Variants in HS3ST4 observed in about 807,000 individuals in gnomAD.
HS3ST4 encodes the protein heparan sulfate glucosamine 3-O-sulfotransferase 4.
Under a neutral mutation model 29.2 loss-of-function variants are expected in HS3ST4, and 17 were observed. The ratio of observed to expected loss-of-function variants is 0.58; its 90% confidence interval spans 0.40 to 0.87. The LOEUF (loss-of-function observed/expected upper bound fraction) is 0.87, where lower values mean the gene tolerates loss of function less well. Among genes scored for constraint, HS3ST4 ranks in the 40% least tolerant of loss-of-function variants. The probability of loss-of-function intolerance (pLI) is 0.00; values close to 1 mark genes in which losing one functional copy is unlikely to be tolerated. For synonymous variants in HS3ST4, 314 were observed against 285.7 expected (o/e 1.10, Z -1.00); for missense variants, 627 against 634.5 (o/e 0.99, Z 0.13).
intron 1 of HS3ST4, among the ~76,000 whole-genome samples, chr16:25,893,761 A>G (rs983228503): frequency 6.6e-6 from 1 of 152,210 alleles, no homozygotes; most frequent in African/African-American, 2.4e-5. Flanking sequence ...TCCACTTAAC[A>G]AACAAGGTGA....
At chr16:25,707,402 C>CT (rs1460676704) in intron 1 of HS3ST4, among the ~76,000 whole-genome samples, 3 of 151,970 alleles carry the variant, frequency 2.0e-5, no homozygotes, top group Non-Finnish European at 4.4e-5. Flanking sequence ...ATAAATTTAA[C>CT]TTTATCATAG....
At chr16:26,064,383 C>T (rs1309216976) in intron 1 of HS3ST4, among the ~76,000 whole-genome samples, 11 of 152,204 alleles carry the variant, frequency 7.2e-5, no homozygotes, top group East Asian at 3.9e-4. Context: ...TGCTAGGTGT[C>T]GGGTAGACCA....
chr16:25,975,556 G>A (rs767630509), intron 1 of HS3ST4, among the ~76,000 whole-genome samples: 1 of 152,076 alleles, frequency 6.6e-6, no homozygotes, highest in Non-Finnish European at 1.5e-5. Flanking sequence ...TAAAGGAAAG[G>A]TTGAAATTAA....
intron 1 of HS3ST4, among the ~76,000 whole-genome samples, chr16:25,701,260 C>T (rs1196690051): frequency 6.6e-6 from 1 of 152,112 alleles, no homozygotes; most frequent in Non-Finnish European, 1.5e-5. Flanking sequence ...TAGGAAATTC[C>T]TAGAGATGCC....
intron 1 of HS3ST4, chr16:25,825,915 T>C (rs1967210042): frequency 6.6e-6 from 1 of 152,250 alleles, no homozygotes; most frequent in Admixed American, 6.5e-5. Flanking sequence ...TGTCCTGGTG[T>C]CCCACCAGAA....
intron 1 of HS3ST4, among the ~76,000 whole-genome samples, chr16:26,019,325 A>G (rs1457141936): frequency 1.3e-5 from 2 of 152,212 alleles, no homozygotes; most frequent in East Asian, 1.9e-4. Flanking sequence ...CTCTAAGTTC[A>G]TTCATTATGT....
intron 1 of HS3ST4, among the ~76,000 whole-genome samples, chr16:26,086,494 C>T (rs563269127): frequency 5.3e-5 from 8 of 152,018 alleles, no homozygotes; most frequent in South Asian, 2.1e-4. Context: ...GGACTACAGT[C>T]GCCTGCCACC....
At chr16:26,035,134 C>T (rs772302580) in intron 1 of HS3ST4, among the ~76,000 whole-genome samples, 4 of 152,090 alleles carry the variant, frequency 2.6e-5, no homozygotes, top group Admixed American at 6.5e-5. Context: ...TGGTAAAATT[C>T]GGTTTAGGTA....
chr16:25,962,610 A>G (rs1968806194), intron 1 of HS3ST4, among the ~76,000 whole-genome samples: 1 of 152,208 alleles, frequency 6.6e-6, no homozygotes, highest in Non-Finnish European at 1.5e-5. Context: ...TCCTCCAAGC[A>G]GTAACTCAGG....
intron 1 of HS3ST4, among the ~76,000 whole-genome samples, chr16:25,820,597 A>T (rs576961034): frequency 2.8e-3 from 423 of 149,214 alleles, no homozygotes; most frequent in African/African-American, 9.8e-3. Context: ...GTTGTTGTTT[A>T]TTTTTATTTT....
At chr16:25,819,768 C>G (rs1967128793) in intron 1 of HS3ST4, among the ~76,000 whole-genome samples, 1 of 151,752 alleles carries the variant, frequency 6.6e-6, no homozygotes, top group African/African-American at 2.4e-5. Flanking sequence ...CCTGTCTTTT[C>G]CGGGACTGGA....
chr16:26,036,843 T>C (rs62034509), intron 1 of HS3ST4, among the ~76,000 whole-genome samples: 13,292 of 152,088 alleles, frequency 0.087, 767 homozygotes, highest in East Asian at 0.23. Context: ...AAAGAATGCA[T>C]TGGAAAGAGC....
At chr16:25,731,070 T>C (rs896620218) in intron 1 of HS3ST4, among the ~76,000 whole-genome samples, 1 of 152,140 alleles carries the variant, frequency 6.6e-6, no homozygotes, top group Non-Finnish European at 1.5e-5. Flanking sequence ...AGCAACAAGA[T>C]GTGAGAACAT....
intron 1 of HS3ST4, among the ~76,000 whole-genome samples, chr16:26,065,601 G>T (rs1440485114): frequency 3.3e-5 from 5 of 151,896 alleles, no homozygotes; most frequent in Admixed American, 6.6e-5. Flanking sequence ...TAACAAATCT[G>T]CACTTGTACC....
intron 1 of HS3ST4, among the ~76,000 whole-genome samples, chr16:25,965,265 C>T (rs4420532): frequency 0.2 from 29,718 of 151,746 alleles, 3,089 homozygotes; most frequent in Middle Eastern, 0.25. Flanking sequence ...CAAGTCCACT[C>T]ATGAAGCCAT....
chr16:25,852,102 T>A (rs1967527751), intron 1 of HS3ST4, among the ~76,000 whole-genome samples: 1 of 152,128 alleles, frequency 6.6e-6, no homozygotes, highest in South Asian at 2.1e-4. Flanking sequence ...TTGAATCATG[T>A]CTCATTCCAA....
rs543077430 is a variant in HS3ST4 at position 25,886,786 on chromosome 16, G to A, written c.734+193635G>A. ...AATGTCGAAAGGAAGGCGGAGAGGGGTGAGACAAGAGGTGGGAGGTGAGGC... is the reference window on the plus strand; with the variant it reads ...AATGTCGAAAGGAAGGCGGAGAGGGATGAGACAAGAGGTGGGAGGTGAGGC... On this transcript the variant is annotated intron_variant, in intron 1 of 1. Coordinates refer to ENST00000331351, the MANE Select transcript of HS3ST4 (RefSeq NM_006040.3). The A allele has an allele frequency of 9.5e-4, 144 of 152,300 alleles. 1 individual carries two copies. The highest frequency in any genetic ancestry group is 3.2e-3 in the African/African-American group (134 of 41,532). The allele number at this position is 152,300 out of a possible 1,614,324, so 9.4% of individuals were successfully genotyped here.
At chr16:25,837,471 G>A (rs1259584504) in intron 1 of HS3ST4, among the ~76,000 whole-genome samples, 2 of 152,190 alleles carry the variant, frequency 1.3e-5, no homozygotes, top group East Asian at 3.9e-4. Context: ...CTAGGGCATG[G>A]GGAGAGAGCA....
intron 1 of HS3ST4, among the ~76,000 whole-genome samples, chr16:25,895,034 G>A (rs920756107): frequency 6.6e-6 from 1 of 152,134 alleles, no homozygotes; most frequent in Admixed American, 6.5e-5. Flanking sequence ...AAATGGTAAT[G>A]GCAAGGAAGT....
Sources: allele counts gnomAD v4.1 joint callset (sites outside exome capture counted in the v4.1 genomes callset), GRCh38; gene constraint gnomAD v4.1.1; transcripts MANE v1.5; gene names NCBI Gene and HGNC (gene_info 2026-07-23, HGNC 2026-07-21).